Variants in MAPKAPK3 observed in about 807,000 individuals in gnomAD.
MAPKAPK3 encodes MAP kinase-activated protein kinase 3.
A neutral mutation model predicts 49.2 loss-of-function variants in MAPKAPK3; 35 were observed. The ratio of observed to expected loss-of-function variants is 0.71; its 90% CI spans 0.54 to 0.94. The LOEUF is 0.94. Among genes scored for constraint, MAPKAPK3 ranks in the 40% least tolerant of loss-of-function variants. The probability of loss-of-function intolerance (pLI) is 0.00; values close to 1 mark genes in which losing one functional copy is unlikely to be tolerated. For synonymous variants in MAPKAPK3, 178 were observed against 188.7 expected, an observed-to-expected ratio of 0.94 and a Z score of 0.46; for missense variants, 398 against 493.1, an observed-to-expected ratio of 0.81 and a Z score of 1.83.
rs751268481 is a variant in MAPKAPK3, at chr3:50,649,073, G to C, written c.*1027G>C. On this transcript the variant is annotated 3_prime_UTR_variant, in exon 11 of 11. Coordinates refer to ENST00000621469, the MANE Select transcript of MAPKAPK3 (RefSeq NM_001243925.2). ...TCCTGGCTTGGGCCTGAGTAGGGCA[G>C]AGAGGGCCTTTCCTGGCTGATCAGA... is the stretch of plus-strand genomic sequence containing the variant. 3 of 152,322 alleles carry C rather than the reference G, an allele frequency of 2.0e-5. No individual in the cohort carries two copies. Among genetic ancestry groups the C allele is most frequent in the Non-Finnish European group, 2.9e-5 (2 of 68,122 alleles). 9.4% of individuals were successfully genotyped at this position (152,322 alleles called of 1,614,324 possible).
intron 2 of MAPKAPK3, among the ~76,000 whole-genome samples, chr3:50,619,025 T>G (rs1283523307): frequency 1.3e-5 from 2 of 152,142 alleles, no homozygotes; most frequent in Non-Finnish European, 2.9e-5. Flanking sequence ...AAGTGCAGAG[T>G]CCTCTAGATA....
intron 2 of MAPKAPK3, among the ~76,000 whole-genome samples, chr3:50,628,340 T>C (rs1244524336): frequency 6.6e-6 from 1 of 152,108 alleles, no homozygotes; most frequent in African/African-American, 2.4e-5. Flanking sequence ...AACTGGCCAG[T>C]TGGGGGCACA....
At chr3:50,626,024 G>C (rs1274289526) in intron 2 of MAPKAPK3, among the ~76,000 whole-genome samples, 1 of 152,188 alleles carries the variant, frequency 6.6e-6, no homozygotes, top group African/African-American at 2.4e-5. Flanking sequence ...TTGGCAGTCA[G>C]AACAGTGGAC....
Position 50,647,133 on chromosome 3 carries a change from T to C in MAPKAPK3, c.926T>C (p.Val309Ala), listed in dbSNP as rs1391040721. The C allele has an allele frequency of 6.3e-7, 1 of 1,586,254 alleles. No individual in the cohort carries two copies. The highest frequency in any genetic ancestry group is 8.6e-7 in the Non-Finnish European group (1 of 1,166,032). ...TGGGGCTCCTTCCAGCAATCGATGGTAGTGCCACAGACCCCACTCCACACG... is the reference window on the plus strand; with the variant it reads ...TGGGGCTCCTTCCAGCAATCGATGGCAGTGCCACAGACCCCACTCCACACG... ...MNHPWINQSM[V>A]VPQTPLHTAR... Residue 309 changes from valine (V) to alanine (A), a missense_variant, in exon 10 of 11, where the codon GTA becomes GCA. Around this residue, in one of 5 missense-constraint regions of MAPKAPK3, gnomAD observed 152 missense variants for 177.3 expected, o/e 0.86. Transcript: ENST00000621469.
intron 2 of MAPKAPK3, among the ~76,000 whole-genome samples, chr3:50,638,267 G>C (rs569933096): frequency 6.6e-6 from 1 of 152,078 alleles, no homozygotes; most frequent in East Asian, 1.9e-4. Flanking sequence ...GAAGGAACCC[G>C]GTGCAGGGAG....
intron 2 of MAPKAPK3, among the ~76,000 whole-genome samples, chr3:50,635,602 A>C (rs2033018335): frequency 6.6e-6 from 1 of 151,180 alleles, no homozygotes; most frequent in African/African-American, 2.4e-5. Flanking sequence ...TTTTTAGTAG[A>C]GATGGGGTTT....
chr3:50,638,571 G>A (rs1403097623), intron 2 of MAPKAPK3, among the ~76,000 whole-genome samples: 2 of 152,178 alleles, frequency 1.3e-5, no homozygotes, highest in African/African-American at 4.8e-5. Context: ...CTGCTAGAGG[G>A]CTTGTCCAGC....
intron 2 of MAPKAPK3, among the ~76,000 whole-genome samples, chr3:50,618,839 G>A (rs2032538156): frequency 6.6e-6 from 1 of 152,152 alleles, no homozygotes; most frequent in South Asian, 2.1e-4. Context: ...ACAGGCGTGC[G>A]CCACCACGCC....
intron 2 of MAPKAPK3, among the ~76,000 whole-genome samples, chr3:50,624,102 C>CT (rs2032675959): frequency 1.3e-5 from 2 of 152,204 alleles, no homozygotes; most frequent in African/African-American, 4.8e-5. Flanking sequence ...CAGAGCACCA[C>CT]GGGCAGGAAA....
chr3:50,640,588 T>TCTAGGGGC (rs2033157263), intron 3 of MAPKAPK3, 83 bp downstream of exon 3: 1 of 1,485,316 alleles, frequency 6.7e-7, no homozygotes, highest in Admixed American at 2.3e-5. Context: ...GGGGCTTTCT[T>TCTAGGGGC]TGTTTTTCAG....
intron 2 of MAPKAPK3, among the ~76,000 whole-genome samples, chr3:50,625,292 T>C (rs1460577285): frequency 1.3e-5 from 2 of 152,110 alleles, no homozygotes; most frequent in Non-Finnish European, 2.9e-5. Context: ...TGAAACATTA[T>C]TGGTTTTTAT....
At chr3:50,611,774 T>G (rs984995987), upstream of MAPKAPK3, 1 of 1,296,130 alleles carries the variant, frequency 7.7e-7, no homozygotes, top group Non-Finnish European at 1.0e-6. Flanking sequence ...GGACAGGGAC[T>G]GAGAGGCAGT....
Position 50,617,227 on chromosome 3 carries a change from G to A in MAPKAPK3, c.-67G>A, listed in dbSNP as rs1575992734. On this transcript the variant is annotated 5_prime_UTR_variant, in exon 1 of 11. In the 5' UTR this introduces an upstream ATG that the reference lacks. Coordinates refer to ENST00000621469, the MANE Select transcript of MAPKAPK3 (RefSeq NM_001243925.2). ...TGCCCCTCGCCGGTACCTCAGCAAGGTGCGTTGCCGCCAGGTACGCCCTCG... is the reference window on the plus strand; with the variant it reads ...TGCCCCTCGCCGGTACCTCAGCAAGATGCGTTGCCGCCAGGTACGCCCTCG... 4.6e-6 allele frequency: 1 copy of A among 216,998 alleles called. No individual in the cohort carries two copies. The highest frequency in any genetic ancestry group is 9.5e-5 in the East Asian group (1 of 10,476). 13.4% of individuals were successfully genotyped at this position (216,998 alleles called of 1,614,324 possible).
In MAPKAPK3 at chr3:50,648,581, G is replaced by C. The variant is rs904023961; in HGVS notation, c.*535G>C. ...GGGGAGGCTGATTTCTCACACACTG[G>C]CTGGCCCTCTCATTCTCACTCCTCC... On this transcript the variant is annotated 3_prime_UTR_variant, in exon 11 of 11. Coordinates refer to ENST00000621469, the MANE Select transcript of MAPKAPK3 (RefSeq NM_001243925.2). 6.5e-6 allele frequency: 1 copy of C among 154,570 alleles called. No individual in the cohort carries two copies. Among genetic ancestry groups the C allele is most frequent in the African/African-American group, 2.4e-5 (1 of 41,474 alleles). 9.6% of individuals were successfully genotyped at this position (154,570 alleles called of 1,614,324 possible).
chr3:50,630,979 C>T (rs1386270673), intron 2 of MAPKAPK3, among the ~76,000 whole-genome samples: 2 of 152,226 alleles, frequency 1.3e-5, no homozygotes, highest in Admixed American at 6.5e-5. Context: ...ATCATTCCCT[C>T]AGCACCTACC....
Position 50,643,033 on chromosome 3 carries a change from G to A in MAPKAPK3, c.504+701G>A, listed in dbSNP as rs181051974. Among the ~76,000 whole-genome samples, 12 of 152,202 alleles carry A rather than the reference G, an allele frequency of 7.9e-5. No homozygotes were observed. In the East Asian group the frequency reaches 1.9e-3, roughly 25 times the overall value. On this transcript the variant is annotated intron_variant, in intron 5 of 10. Coordinates refer to ENST00000621469, the MANE Select transcript of MAPKAPK3 (RefSeq NM_001243925.2). ...CACCTGGCTAATTTTTGTATTTTTC[G>A]TAGAGATGGGGTTTCACCATGTTAG...
exon 1 of MAPKAPK3, chr3:50,612,086 A>C: frequency 1.7e-5 from 3 of 180,686 alleles, no homozygotes; most frequent in Non-Finnish European, 2.3e-5. Flanking sequence ...GGGAGGGCCA[A>C]TAGCAGCGCG....
At chr3:50,641,008 A>G (rs1263938851) in intron 3 of MAPKAPK3, among the ~76,000 whole-genome samples, 1 of 152,188 alleles carries the variant, frequency 6.6e-6, no homozygotes, top group Admixed American at 6.5e-5. Context: ...TGGACCGGTT[A>G]GCCAGTTCTT....
chr3:50,627,768 G>A (rs1024689007), intron 2 of MAPKAPK3, among the ~76,000 whole-genome samples: 1 of 152,168 alleles, frequency 6.6e-6, no homozygotes, highest in African/African-American at 2.4e-5. Context: ...CCTTCTGGGA[G>A]TAGGCTGGGT....
Sources: allele counts gnomAD v4.1 joint callset (sites outside exome capture counted in the v4.1 genomes callset), GRCh38; gene constraint gnomAD v4.1.1; regional missense constraint gnomAD v4.1.1; transcripts MANE v1.5; gene names NCBI Gene and HGNC (gene_info 2026-07-23, HGNC 2026-07-21).